ZNF496: variants seen among roughly 807,000 people sequenced by gnomAD.
The protein encoded by ZNF496 is NSD1 (nuclear receptor binding SET-domain containing 1)-interacting zinc finger protein 1.
A neutral mutation model predicts 58.9 loss-of-function variants in ZNF496; 11 were observed. That is an observed-to-expected ratio of 0.19 (90% CI 0.12 to 0.31). The LOEUF is 0.31. ZNF496 is among the 10% of genes least tolerant of loss of function. ZNF496 has a pLI of 1.00. For missense variants in ZNF496, 660 were observed against 783.0 expected (o/e 0.84, Z 1.88); for synonymous variants, 338 against 318.2 (o/e 1.06, Z -0.66).
Position 247,301,236 on chromosome 1 carries a change from T to C in ZNF496, c.1047A>G (p.Glu349=). 1 of 1,533,298 alleles carries C rather than the reference T, an allele frequency of 6.5e-7. No homozygotes were observed. Among genetic ancestry groups the C allele is most frequent in the African/African-American group, 1.4e-5 (1 of 72,270 alleles). 95.0% of individuals were successfully genotyped at this position (1,533,298 alleles called of 1,614,324 possible). ...NPRSLENSLD[E]EVTIEIVLSS... ...AGAGAACGATCTCGATGGTCACTTC[T>C]TCATCCAGGCTGTTCTCTAGAGATC... The change falls in exon 10 of 10, where the codon GAA becomes GAG. Residue 349 remains glutamate, a synonymous_variant. Coordinates refer to ENST00000682384, the MANE Select transcript of ZNF496 (RefSeq NM_032752.3).
intron 6 of ZNF496, chr1:247,322,675 G>C (rs1165229930): frequency 4.7e-6 from 6 of 1,271,456 alleles, no homozygotes; most frequent in Non-Finnish European, 6.2e-6. Flanking sequence ...GAGAACATTC[G>C]AGGAAATTCT....
At position 247,308,803 on chromosome 1, in the gene ZNF496, G is replaced by C; in HGVS notation, c.893-215C>G. 1 of 519,324 alleles carries C rather than the reference G, an allele frequency of 1.9e-6. No homozygotes were observed. The highest frequency in any genetic ancestry group is 3.5e-6 in the Non-Finnish European group (1 of 286,380). The allele number at this position is 519,324 out of a possible 1,614,324, so 32.2% of individuals were successfully genotyped here. On this transcript the variant is annotated intron_variant, in intron 8 of 9. Transcript: ENST00000682384. The surrounding 1 kb of genome is among the most constrained non-coding windows in gnomAD (Gnocchi z 4.5). ...TCCACAAACATGAGCTCTGACGCTA[G>C]ACAGAATCGACGTAGATCCGGGTTC...
At chr1:247,325,381 T>G (rs994444246) in intron 5 of ZNF496, among the ~76,000 whole-genome samples, 19 of 152,234 alleles carry the variant, frequency 1.2e-4, no homozygotes, top group African/African-American at 4.6e-4. Flanking sequence ...TACCTCCCAG[T>G]TTTATTAAGC....
intron 9 of ZNF496, among the ~76,000 whole-genome samples, chr1:247,303,351 C>T (rs1230450125): frequency 1.3e-5 from 2 of 152,222 alleles, no homozygotes; most frequent in Non-Finnish European, 2.9e-5. Context: ...GTCACCCAGC[C>T]TGTGGTACCT....
rs372714422 is a variant in ZNF496 at position 247,301,149 on chromosome 1, G to A, written c.1134C>T (p.Pro378=). The A allele has an allele frequency of 7.3e-5, 117 of 1,613,252 alleles. No homozygotes were observed. In the South Asian group the frequency reaches 7.6e-4, roughly 10 times the overall value. ...CGGGGAGGCTGCGCTGCTTCTCTGT[G>A]GGGCTCCCCAGCTCTTCTGTGCAGT... ...GPYCTEELGS[P]TEKQRSLPAS... is the part of the protein sequence containing the mutation. The change falls in exon 10 of 10, where the codon CCC becomes CCT. Residue 378 remains proline, a synonymous_variant. Transcript: ENST00000682384.
intron 2 of ZNF496, among the ~76,000 whole-genome samples, chr1:247,330,906 G>A (rs886488886): frequency 6.6e-6 from 1 of 152,276 alleles, no homozygotes; most frequent in East Asian, 1.9e-4. Context: ...GAATCTCTTT[G>A]CTTTCCAAAG....
chr1:247,313,288 G>C (rs192068156), intron 6 of ZNF496: 2 of 152,272 alleles, frequency 1.3e-5, no homozygotes, highest in Non-Finnish European at 2.9e-5. Flanking sequence ...ACTAGGGGAG[G>C]GGGGTGGTGT....
chr1:247,301,526 C>T (rs1468411400), intron 9 of ZNF496, among the ~76,000 whole-genome samples: 1 of 152,110 alleles, frequency 6.6e-6, no homozygotes, highest in South Asian at 2.1e-4. Context: ...CAGCCATTTT[C>T]CCTTATCTCC....
chr1:247,327,115 A>G (rs1303825161), intron 5 of ZNF496, among the ~76,000 whole-genome samples: 1 of 152,004 alleles, frequency 6.6e-6, no homozygotes, highest in African/African-American at 2.4e-5. Context: ...CCCAGGCTGG[A>G]ATGCAATGGC....
In ZNF496 at chr1:247,329,819, C is replaced by T. The variant is rs1418696389; in HGVS notation, c.-38+147G>A. ...TGCCCTCCCCCCATCAGTACCATTACGTGTGGATTCCCGTTAAGTGGGTGA... is the reference window on the plus strand; with the variant it reads ...TGCCCTCCCCCCATCAGTACCATTATGTGTGGATTCCCGTTAAGTGGGTGA... On this transcript the variant is annotated intron_variant, in intron 3 of 9. Coordinates refer to ENST00000682384, the MANE Select transcript of ZNF496 (RefSeq NM_032752.3). The surrounding 1 kb of genome is among the most constrained non-coding windows in gnomAD (Gnocchi z 5.5). 6.7e-6 allele frequency: 3 copies of T among 444,940 alleles called. No homozygotes were observed. Among genetic ancestry groups the T allele is most frequent in the Middle Eastern group, 5.7e-4 (1 of 1,756 alleles). 27.6% of individuals were successfully genotyped at this position (444,940 alleles called of 1,614,324 possible).
intron 7 of ZNF496, 89 bp downstream of exon 7, chr1:247,310,234 TC>T: frequency 6.3e-7 from 1 of 1,575,206 alleles, no homozygotes; most frequent in Admixed American, 1.8e-5. Context: ...GCTTCCCTGA[TC>T]CTATGGGACG....
chr1:247,323,689 G>A (rs1660029387), intron 5 of ZNF496, among the ~76,000 whole-genome samples: 1 of 151,876 alleles, frequency 6.6e-6, no homozygotes, highest in Admixed American at 6.6e-5. Flanking sequence ...TTTGGGGACT[G>A]AGGTGGGAGA....
At chr1:247,324,364 A>G (rs969881735) in intron 5 of ZNF496, among the ~76,000 whole-genome samples, 4 of 152,240 alleles carry the variant, frequency 2.6e-5, no homozygotes, top group East Asian at 1.9e-4. Context: ...TTTCAGTGAC[A>G]TGAGAGGAGT....
chr1:247,313,934 C>T (rs564571368), intron 6 of ZNF496: 4 of 152,142 alleles, frequency 2.6e-5, no homozygotes, highest in African/African-American at 9.7e-5. Context: ...CTAGGAGTTC[C>T]GAAGGTTAGC....
intron 9 of ZNF496, among the ~76,000 whole-genome samples, chr1:247,306,044 C>T (rs1366276093): frequency 1.3e-5 from 2 of 152,156 alleles, no homozygotes; most frequent in East Asian, 1.9e-4. Flanking sequence ...TACAACGACA[C>T]GTGGGTTCAG....
chr1:247,314,760 T>G (rs776586026), intron 6 of ZNF496, among the ~76,000 whole-genome samples: 12 of 152,228 alleles, frequency 7.9e-5, no homozygotes, highest in Non-Finnish European at 1.5e-4. Flanking sequence ...CTTTCTCTTT[T>G]TTTTGAGATC....
intron 6 of ZNF496, among the ~76,000 whole-genome samples, chr1:247,318,000 T>C (rs1315320636): frequency 1.3e-5 from 2 of 152,122 alleles, no homozygotes; most frequent in Non-Finnish European, 2.9e-5. Context: ...ATAGAAAGTG[T>C]CTGTAAAGAC....
intron 6 of ZNF496, among the ~76,000 whole-genome samples, chr1:247,320,927 C>A (rs1659942011): frequency 6.6e-6 from 1 of 152,170 alleles, no homozygotes; most frequent in African/African-American, 2.4e-5. Flanking sequence ...GTAATCCCAG[C>A]ACTTTGGGAG....
rs958156584 is a variant in ZNF496 at position 247,329,091 on chromosome 1, G to C, written c.390+98C>G. On this transcript the variant is annotated intron_variant, in intron 4 of 9. Coordinates refer to ENST00000682384, the MANE Select transcript of ZNF496 (RefSeq NM_032752.3). This position sits in a 1 kb window ranked among gnomAD's most constrained non-coding sequence, Gnocchi z 5.5. ...GACCTAACCAAAGTAAATGGCTCTC[G>C]ATGGAACTCCTCATTCCCCAGCCAG... 6.4e-6 allele frequency: 10 copies of C among 1,572,306 alleles called. No homozygotes were observed. Among genetic ancestry groups the C allele is most frequent in the South Asian group, 1.1e-5 (1 of 89,382 alleles).
Sources: gnomAD v4.1 joint callset for allele counts (sites outside exome capture counted in the v4.1 genomes callset) on GRCh38, gnomAD v4.1.1 for gene constraint, Gnocchi (gnomAD v3.1) non-coding constraint, MANE v1.5 for transcripts, NCBI Gene and HGNC (gene_info 2026-07-23, HGNC 2026-07-21) for gene names.